Variants in PRR16 observed in about 807,000 individuals in gnomAD.
The protein encoded by PRR16 is protein Largen.
In PRR16, 6 loss-of-function variants were observed where a neutral mutation model predicts 18.2. The ratio of observed to expected loss-of-function variants is 0.33; its 90% CI spans 0.18 to 0.65. The LOEUF is 0.65. Ranked by LOEUF, PRR16 falls within the 30% of genes least tolerant of loss-of-function variation. The pLI is 0.74. For synonymous variants in PRR16, 151 were observed against 147.8 expected (o/e 1.02, Z -0.16); for missense variants, 412 against 376.6 (o/e 1.09, Z -0.78).
chr5:120,668,819 G>T (rs571024831), intron 1 of PRR16, among the ~76,000 whole-genome samples: 2 of 152,298 alleles, frequency 1.3e-5, no homozygotes, highest in South Asian at 2.1e-4. Flanking sequence ...TCTGCCGAGA[G>T]ATCAGCTGTT....
intron 1 of PRR16, among the ~76,000 whole-genome samples, chr5:120,610,850 C>G (rs553785171): frequency 1.9e-3 from 293 of 152,186 alleles, no homozygotes; most frequent in South Asian, 4.4e-3. Flanking sequence ...GTGGAAGTGA[C>G]TTTGGAACTA....
intron 1 of PRR16, among the ~76,000 whole-genome samples, chr5:120,556,461 T>C (rs778238800): frequency 1.8e-4 from 27 of 151,872 alleles, no homozygotes; most frequent in Non-Finnish European, 3.8e-4. Context: ...TGCTTTCCAG[T>C]ATACATCTCT....
intron 1 of PRR16, among the ~76,000 whole-genome samples, chr5:120,598,388 T>C (rs1266490752): frequency 6.6e-6 from 1 of 151,944 alleles, no homozygotes; most frequent in Non-Finnish European, 1.5e-5. Flanking sequence ...CCTCCTGTCT[T>C]TTTCTTATGC....
chr5:120,790,643 T>C, the PRR16 span: 1 of 152,300 alleles, frequency 6.6e-6, no homozygotes, highest in Admixed American at 6.5e-5. Flanking sequence ...CTATATTGGT[T>C]GGAAGAGGAG....
intron 1 of PRR16, among the ~76,000 whole-genome samples, chr5:120,550,414 T>C (rs1346763531): frequency 6.6e-6 from 1 of 152,048 alleles, no homozygotes; most frequent in African/African-American, 2.4e-5. Flanking sequence ...AGGGCATTCC[T>C]GAGTTCAGTG....
chr5:120,690,422 T>G (rs770903299), downstream of PRR16, among the ~76,000 whole-genome samples: 1 of 152,186 alleles, frequency 6.6e-6, no homozygotes, highest in Non-Finnish European at 1.5e-5. Flanking sequence ...GTTTCTTGCT[T>G]CTAATTCTCT....
the PRR16 span, among the ~76,000 whole-genome samples, chr5:120,766,421 ATTT>A: frequency 1.3e-5 from 2 of 151,852 alleles, no homozygotes; most frequent in African/African-American, 4.8e-5. Context: ...CTATTCAACT[ATTT>A]TATTACTTTT....
chr5:120,491,518 T>A (rs1580640607), intron 1 of PRR16, among the ~76,000 whole-genome samples: 2 of 151,286 alleles, frequency 1.3e-5, no homozygotes, highest in Non-Finnish European at 3.0e-5. Flanking sequence ...TCTCTGTCTT[T>A]CTGTCTCTCT....
chr5:120,474,828 T>A (rs1222536359), intron 1 of PRR16, among the ~76,000 whole-genome samples: 1 of 152,176 alleles, frequency 6.6e-6, no homozygotes, highest in Admixed American at 6.5e-5. Context: ...TCAGAAAGAA[T>A]GAAGGGAGCA....
At chr5:120,629,157 G>C (rs1754973739) in intron 1 of PRR16, among the ~76,000 whole-genome samples, 1 of 151,986 alleles carries the variant, frequency 6.6e-6, no homozygotes, top group Non-Finnish European at 1.5e-5. Context: ...TTCTATGTTA[G>C]TTTGATTAGG....
chr5:120,775,173 C>A, the PRR16 span, among the ~76,000 whole-genome samples: 1 of 152,152 alleles, frequency 6.6e-6, no homozygotes, highest in Admixed American at 6.5e-5. Context: ...TCCACTTTAA[C>A]CAACATGTTG....
the PRR16 span, among the ~76,000 whole-genome samples, chr5:120,696,958 A>G: frequency 8.5e-6 from 1 of 117,636 alleles, no homozygotes; most frequent in Admixed American, 1.0e-4. Context: ...TATTGTGCTT[A>G]AAATTTGACC....
intron 1 of PRR16, among the ~76,000 whole-genome samples, chr5:120,505,439 C>T (rs1445329399): frequency 6.6e-6 from 1 of 151,776 alleles, no homozygotes; most frequent in Non-Finnish European, 1.5e-5. Context: ...AAATGGACTT[C>T]CCAAATGGGC....
intron 1 of PRR16, among the ~76,000 whole-genome samples, chr5:120,580,576 T>C (rs546276110): frequency 6.6e-6 from 1 of 150,642 alleles, no homozygotes; most frequent in South Asian, 2.1e-4. Flanking sequence ...TGCCTCAGCC[T>C]CCCGAGTAGC....
chr5:120,568,030 G>A lies in PRR16; in HGVS notation c.159+103385G>A, dbSNP rs1043387290. Among the ~76,000 whole-genome samples the A allele has an allele frequency of 5.9e-5, 9 of 152,168 alleles. No homozygotes were observed. In the South Asian group the frequency reaches 1.9e-3, roughly 32 times the overall value. The stretch of plus-strand genomic sequence containing the variant: ...CATTTCTATATGATATGACTGCATT[G>A]CTTGGATTGTTAACACATTTAACAC... On this transcript the variant is annotated intron_variant, in intron 1 of 1. Transcript: ENST00000407149.
intron 1 of PRR16, among the ~76,000 whole-genome samples, chr5:120,509,469 G>T (rs372319700): frequency 1.3e-5 from 2 of 152,010 alleles, no homozygotes; most frequent in African/African-American, 4.8e-5. Flanking sequence ...CTGAGGTTCT[G>T]TTTTTCTCAG....
rs1276014534 is a variant in PRR16, at chr5:120,561,093, TTTTC to T, written c.159+96452_159+96455del. On this transcript the variant is annotated intron_variant, in intron 1 of 1. Coordinates refer to ENST00000407149, the MANE Select transcript of PRR16 (RefSeq NM_001300783.2). ...ATTTTTTGCTTTGTTGATTTTTTTGTTTTCTTTGTTTTAATTTTATTTATTTATA... is the reference window on the plus strand; with the variant it reads ...ATTTTTTGCTTTGTTGATTTTTTTGTTTTGTTTTAATTTTATTTATTTATA... Among the ~76,000 whole-genome samples the T allele has an allele frequency of 2.6e-5, 4 of 151,884 alleles. No individual in the cohort carries two copies. The East Asian group carries it at 7.7e-4, about 29-fold the overall frequency.
intron 1 of PRR16, among the ~76,000 whole-genome samples, chr5:120,620,541 G>A (rs548700677): frequency 6.6e-6 from 1 of 152,132 alleles, no homozygotes; most frequent in Non-Finnish European, 1.5e-5. Context: ...TAGCAATGAT[G>A]TATGTGAAAA....
chr5:120,665,439 T>C (rs1756336287), intron 1 of PRR16, among the ~76,000 whole-genome samples: 1 of 152,130 alleles, frequency 6.6e-6, no homozygotes, highest in Non-Finnish European at 1.5e-5. Flanking sequence ...TTTCTTTTGC[T>C]GTGCAGAAGC....
Sources: gnomAD v4.1 joint callset for allele counts (sites outside exome capture counted in the v4.1 genomes callset) on GRCh38, gnomAD v4.1.1 for gene constraint, MANE v1.5 for transcripts, NCBI Gene and HGNC (gene_info 2026-07-23, HGNC 2026-07-21) for gene names.